Variants in ATP13A3 observed in about 807,000 individuals in gnomAD.
ATP13A3 encodes ATPase 13A3.
A neutral mutation model predicts 158.1 loss-of-function variants in ATP13A3; 59 were observed. The ratio of observed to expected loss-of-function variants is 0.37; its 90% CI spans 0.30 to 0.46. ATP13A3 has a LOEUF of 0.46. ATP13A3 is among the 20% of genes least tolerant of loss of function. The pLI is 1.00. For missense variants in ATP13A3, 1,166 were observed against 1,525.2 expected (o/e 0.76, Z 3.92); for synonymous variants, 491 against 504.3 (o/e 0.97, Z 0.35).
In ATP13A3 at chr3:194,431,742, C is replaced by T; in HGVS notation, c.2396G>A (p.Ser799Asn). ...CTCTGGGTCAATTGCTGATGGATGA[C>T]TGCACTGCGTGAGGGAGTCTGCATA... ...WHYADSLTQC[S>N]HPSAIDPEAI... Residue 799 changes from serine (S) to asparagine (N), a missense_variant, in exon 22 of 34, where the codon AGT (serine) becomes AAT (asparagine). Ser to Asn is a conservative substitution (Grantham distance 46). Around this residue, in one of 3 missense-constraint regions of ATP13A3, gnomAD observed 997 missense variants for 1,341.2 expected, o/e 0.74. Transcript: ENST00000645319. The T allele has an allele frequency of 1.2e-6, 2 of 1,602,322 alleles. No individual in the cohort carries two copies. Among genetic ancestry groups the T allele is most frequent in the Non-Finnish European group, 1.7e-6 (2 of 1,175,334 alleles).
At chr3:194,482,671 G>T (rs550836983) in intron 2 of ATP13A3, among the ~76,000 whole-genome samples, 1 of 152,260 alleles carries the variant, frequency 6.6e-6, no homozygotes, top group South Asian at 2.1e-4. Flanking sequence ...AACTTAAGTG[G>T]TTAATTAGAA....
At chr3:194,474,528 A>C (rs532169376) in intron 2 of ATP13A3, among the ~76,000 whole-genome samples, 16 of 152,374 alleles carry the variant, frequency 1.1e-4, no homozygotes, top group Middle Eastern at 3.4e-3. Context: ...TTGTGTAAAC[A>C]AACCAAATGA....
chr3:194,447,732 A>G, intron 13 of ATP13A3, 120 bp downstream of exon 13: 2 of 888,520 alleles, frequency 2.3e-6, no homozygotes, highest in Admixed American at 2.4e-5. Context: ...TAAATTAATT[A>G]AAATTAAATT....
chr3:194,453,281 A>T (rs113040916), intron 10 of ATP13A3, among the ~76,000 whole-genome samples: 1,574 of 73,590 alleles, frequency 0.021, 21 homozygotes, highest in African/African-American at 0.12. Flanking sequence ...CATCGACTTT[A>T]AAAAAAAAAA....
chr3:194,429,501 T>C (rs1248593511), intron 27 of ATP13A3, among the ~76,000 whole-genome samples, 177 bp downstream of exon 27: 3 of 152,226 alleles, frequency 2.0e-5, no homozygotes, highest in Non-Finnish European at 1.5e-5. Context: ...AAACATCTTT[T>C]CTCATTTTAA....
intron 20 of ATP13A3, among the ~76,000 whole-genome samples, chr3:194,434,880 C>T (rs1038309169): frequency 8.5e-5 from 13 of 152,096 alleles, no homozygotes; most frequent in Non-Finnish European, 1.5e-4. Context: ...GTGTTTGTTC[C>T]ACTGCACTCT....
intron 26 of ATP13A3, 76 bp downstream of exon 26, chr3:194,429,996 C>G: frequency 7.6e-7 from 1 of 1,321,768 alleles, no homozygotes; most frequent in Non-Finnish European, 1.1e-6. Flanking sequence ...ATTCATGTTA[C>G]TTTTTATGAT....
intron 31 of ATP13A3, among the ~76,000 whole-genome samples, chr3:194,417,760 GAAACCCCATTAC>G (rs1715971845): frequency 6.6e-6 from 1 of 151,826 alleles, no homozygotes; most frequent in South Asian, 2.1e-4. Flanking sequence ...GCAACACAGT[GAAACCCCATTAC>G]AAACCCCATT....
chr3:194,421,137 G>C (rs1410502922), intron 30 of ATP13A3, among the ~76,000 whole-genome samples: 5 of 7,168 alleles, frequency 7.0e-4, no homozygotes, highest in African/African-American at 3.7e-3. Flanking sequence ...TATATATATA[G>C]TATATATATA....
rs61257072 is a variant in ATP13A3 at position 194,404,474 on chromosome 3, C to T, written c.*1445G>A. 266 of 185,692 alleles carry T rather than the reference C, an allele frequency of 1.4e-3. 1 individual carries two copies. The highest frequency in any genetic ancestry group is 5.9e-3 in the African/African-American group (245 of 41,730). The allele number at this position is 185,692 out of a possible 1,614,324, so 11.5% of individuals were successfully genotyped here. A position where few individuals can be genotyped will look rare whatever the true frequency, so the allele number is the denominator to read the frequency against. ...AATGATCAGCTAGAAGTAGAAAGCA[C>T]GAGCAAGCATGTTACTGGCTCTGGA... On this transcript the variant is annotated 3_prime_UTR_variant, in exon 34 of 34. Transcript: ENST00000645319.
intron 28 of ATP13A3, among the ~76,000 whole-genome samples, 159 bp downstream of exon 28, chr3:194,428,686 G>A (rs1716994893): frequency 1.3e-5 from 2 of 152,004 alleles, no homozygotes; most frequent in African/African-American, 2.4e-5. Context: ...TAAAAAATTG[G>A]CGCAAGATAT....
intron 14 of ATP13A3, among the ~76,000 whole-genome samples, chr3:194,446,106 A>G (rs1348873501): frequency 6.6e-6 from 1 of 152,210 alleles, no homozygotes; most frequent in Non-Finnish European, 1.5e-5. Flanking sequence ...TACTAGGCCT[A>G]ATTCTGGAGT....
chr3:194,430,364 A>G (rs1717128647), intron 24 of ATP13A3, 49 bp from the exon 25 acceptor site: 1 of 1,564,676 alleles, frequency 6.4e-7, no homozygotes, highest in Non-Finnish European at 8.7e-7. Context: ...TTAAACTACA[A>G]AACATTTAAC....
chr3:194,487,219 G>A (rs1443557181), upstream of ATP13A3, among the ~76,000 whole-genome samples: 2 of 152,212 alleles, frequency 1.3e-5, no homozygotes, highest in African/African-American at 4.8e-5. Flanking sequence ...TCAGCCCGGG[G>A]TGGCTAATGG....
Position 194,455,846 on chromosome 3 carries a change from C to T in ATP13A3, c.630+47G>A, listed in dbSNP as rs755020783. The T allele has an allele frequency of 7.1e-6, 8 of 1,123,646 alleles. No homozygotes were observed. In the East Asian group the frequency reaches 8.1e-5, roughly 11 times the overall value. 69.6% of individuals were successfully genotyped at this position (1,123,646 alleles called of 1,614,324 possible). ...AATCACAACTCATTCCAAATTGACA[C>T]ATCCATTGATCATGACTGTTAAGTT... On this transcript the variant is annotated intron_variant, in intron 8 of 33. Transcript: ENST00000645319.
rs1274929040 is a variant in ATP13A3, at chr3:194,448,302, T to C, written c.1150+155A>G. 1.3e-5 allele frequency among the ~76,000 whole-genome samples: 2 copies of C among 152,118 alleles called. No individual in the cohort carries two copies. The highest frequency in any genetic ancestry group is 2.4e-5 in the African/African-American group (1 of 41,422). The stretch of plus-strand genomic sequence containing the variant: ...ACCATGTTAGCCAGGATGGTCTCAA[T>C]CTCCTGACCTCATGATCCGCCCACC... On this transcript the variant is annotated intron_variant, in intron 12 of 33. Transcript: ENST00000645319. The surrounding 1 kb of genome is among the most constrained non-coding windows in gnomAD (Gnocchi z 4.0).
intron 29 of ATP13A3, among the ~76,000 whole-genome samples, chr3:194,425,945 T>C (rs73071104): frequency 0.023 from 3,469 of 152,306 alleles, 124 homozygotes; most frequent in African/African-American, 0.079. Context: ...ACAAGTTGAC[T>C]CATGCAAATG....
chr3:194,447,068 A>T lies in ATP13A3; in HGVS notation c.1356T>A (p.Ile452=), dbSNP rs1205795187. The T allele has an allele frequency of 1.9e-6, 3 of 1,611,904 alleles. No homozygotes were observed. The African/African-American group carries it at 4.0e-5, about 22-fold the overall frequency. Residue 452 remains isoleucine, a synonymous_variant, in exon 14 of 34, where the codon ATT becomes ATA. Transcript: ENST00000645319. ...IIIESLDIIT[I]TVPPALPAAM... is the part of the protein sequence containing the mutation. ...CAGCAGGAAGTGCAGGGGGCACAGTAATTGTGATAATATCAAGAGACTCGA... is the reference window on the plus strand; with the variant it reads ...CAGCAGGAAGTGCAGGGGGCACAGTTATTGTGATAATATCAAGAGACTCGA...
Position 194,406,074 on chromosome 3 carries a change from G to C in ATP13A3, c.3616C>G (p.Leu1206Val). 1 of 1,614,134 alleles carries C rather than the reference G, an allele frequency of 6.2e-7. No homozygotes were observed. The highest frequency in any genetic ancestry group is 8.5e-7 in the Non-Finnish European group (1 of 1,180,036). Residue 1206 changes from leucine (L) to valine (V), a missense_variant, in exon 34 of 34, where the codon CTG (leucine) becomes GTG (valine). Leu to Val is a conservative substitution (Grantham distance 32). This residue lies in a region of ATP13A3 where 997 missense variants were observed against 1,341.2 expected (regional missense o/e 0.74). Coordinates refer to ENST00000645319, the MANE Select transcript of ATP13A3 (RefSeq NM_001367549.1). Reference protein sequence around the residue: ...RWGKCCLPWALGCRKKTPKAK... With the variant: ...RWGKCCLPWAVGCRKKTPKAK... ...TTTGGTGTCTTCTTTCTACAGCCCA[G>C]GGCCCAGGGTAAGCAGCATTTTCCC...
Sources: gnomAD v4.1 joint callset for allele counts (sites outside exome capture counted in the v4.1 genomes callset) on GRCh38, gnomAD v4.1.1 for gene constraint, gnomAD v4.1.1 regional missense constraint, Gnocchi (gnomAD v3.1) non-coding constraint, MANE v1.5 for transcripts, NCBI Gene and HGNC (gene_info 2026-07-23, HGNC 2026-07-21) for gene names.